CTNNA3: variants seen among roughly 807,000 people sequenced by gnomAD.
CTNNA3 encodes catenin alpha 3, also known as catenin alpha-3.
In CTNNA3, 76 loss-of-function variants were observed where a neutral mutation model predicts 95.7. The ratio of observed to expected loss-of-function variants is 0.79; its 90% confidence interval spans 0.66 to 0.96. The LOEUF (loss-of-function observed/expected upper bound fraction) is 0.96, where lower values mean the gene tolerates loss of function less well. Ranked by LOEUF, CTNNA3 falls within the 40% of genes least tolerant of loss-of-function variation. The pLI, the probability that CTNNA3 is intolerant of heterozygous loss-of-function variation, is 0.00. For synonymous variants in CTNNA3, 431 were observed against 374.4 expected, an observed-to-expected ratio of 1.15 and a Z score of -1.74; for missense variants, 1,191 against 1,089.8, an observed-to-expected ratio of 1.09 and a Z score of -1.31.
At chr10:67,614,021 C>G (rs375311082) in intron 2 of CTNNA3, among the ~76,000 whole-genome samples, 5 of 152,002 alleles carry the variant, frequency 3.3e-5, no homozygotes, top group Non-Finnish European at 7.4e-5. Flanking sequence ...TATTTTGAAG[C>G]GTGAAAGAAC....
chr10:67,509,404 A>G (rs1019097543), intron 5 of CTNNA3, among the ~76,000 whole-genome samples: 3 of 151,880 alleles, frequency 2.0e-5, no homozygotes, highest in African/African-American at 7.3e-5. Flanking sequence ...AAGTGTTCCC[A>G]CTGTTCAATT....
chr10:66,222,628 AAGAAAGAAAGAAAGAAAAGAG>A (rs2089017791), intron 13 of CTNNA3, among the ~76,000 whole-genome samples: 1 of 149,416 alleles, frequency 6.7e-6, no homozygotes, highest in East Asian at 2.0e-4. Flanking sequence ...AAGAAAAAGA[AAGAAAGAAAGAAAGAAAAGAG>A]AGGAAGAGAG....
chr10:67,121,909 G>A (rs902685773), intron 7 of CTNNA3, among the ~76,000 whole-genome samples: 8 of 127,918 alleles, frequency 6.3e-5, no homozygotes, highest in Non-Finnish European at 6.3e-5. Context: ...TTTTTTATGT[G>A]AAATCTCTAA....
At chr10:66,010,071 A>G (rs1589245321) in intron 15 of CTNNA3, among the ~76,000 whole-genome samples, 1 of 152,226 alleles carries the variant, frequency 6.6e-6, no homozygotes, top group South Asian at 2.1e-4. Context: ...TTGAAGGTTC[A>G]AAATAAAGGT....
chr10:66,489,540 C>T (rs1384373985), intron 11 of CTNNA3, among the ~76,000 whole-genome samples: 1 of 152,128 alleles, frequency 6.6e-6, no homozygotes. Context: ...TACTCCCCAA[C>T]GTTATGTACA....
chr10:66,349,451 G>A lies in CTNNA3; in HGVS notation c.1732+29701C>T, dbSNP rs143350264. Among the ~76,000 whole-genome samples, 284 of 152,148 alleles carry A rather than the reference G, an allele frequency of 1.9e-3. 1 individual carries two copies. Among genetic ancestry groups the A allele is most frequent in the African/African-American group, 6.3e-3 (260 of 41,532 alleles). On this transcript the variant is annotated intron_variant, in intron 12 of 17. Transcript: ENST00000433211. ...ACATGTGAGTATTGTTTTAAGCTGA[G>A]AACTTTGTTGAAATATTAATAGGCA...
chr10:67,234,623 C>T (rs542076346), intron 5 of CTNNA3, among the ~76,000 whole-genome samples: 78 of 151,860 alleles, frequency 5.1e-4, no homozygotes, highest in African/African-American at 1.7e-3. Context: ...TGCCCTCTCT[C>T]ACCACTCCTA....
chr10:67,743,683 A>G (rs2133643680), intron 1 of CTNNA3, among the ~76,000 whole-genome samples: 2 of 151,430 alleles, frequency 1.3e-5, no homozygotes, highest in Middle Eastern at 3.4e-3. Context: ...AATAAAGGGT[A>G]TTCAATTAGG....
At chr10:67,204,378 C>G (rs900829523) in intron 6 of CTNNA3, among the ~76,000 whole-genome samples, 6 of 145,780 alleles carry the variant, frequency 4.1e-5, no homozygotes, top group East Asian at 2.9e-4. Context: ...ACCTCCCCCC[C>G]TCTCTCTTCC....
At chr10:67,088,734 G>C (rs568552590) in intron 7 of CTNNA3, among the ~76,000 whole-genome samples, 1 of 151,892 alleles carries the variant, frequency 6.6e-6, no homozygotes, top group African/African-American at 2.4e-5. Flanking sequence ...ACCACTAAAA[G>C]AATTATTATT....
chr10:66,285,373 C>T (rs2091567033), intron 12 of CTNNA3, among the ~76,000 whole-genome samples: 1 of 151,762 alleles, frequency 6.6e-6, no homozygotes, highest in South Asian at 2.1e-4. Context: ...GACTTAGAAA[C>T]TCATCTTCTT....
chr10:67,004,510 C>G (rs574007264), intron 7 of CTNNA3, among the ~76,000 whole-genome samples: 1 of 152,028 alleles, frequency 6.6e-6, no homozygotes, highest in Non-Finnish European at 1.5e-5. Flanking sequence ...TCAAAAAATG[C>G]TGATCACAGA....
chr10:67,095,217 G>A (rs191045329), intron 7 of CTNNA3, among the ~76,000 whole-genome samples: 51 of 151,592 alleles, frequency 3.4e-4, no homozygotes, highest in East Asian at 2.1e-3. Context: ...ATCTTACTAT[G>A]TTATTTTATT....
chr10:66,888,327 C>T (rs962229571), intron 7 of CTNNA3, among the ~76,000 whole-genome samples: 20 of 152,116 alleles, frequency 1.3e-4, no homozygotes, highest in South Asian at 6.2e-4. Context: ...ACAGATTCTC[C>T]CCTGGAACCT....
intron 6 of CTNNA3, among the ~76,000 whole-genome samples, chr10:67,182,531 AT>A (rs1438916525): frequency 2.0e-5 from 3 of 152,042 alleles, no homozygotes; most frequent in African/African-American, 7.3e-5. Context: ...TTATACAAAA[AT>A]TAATTCAAGA....
chr10:66,209,980 G>A (rs1230855189), intron 13 of CTNNA3, among the ~76,000 whole-genome samples: 1 of 152,072 alleles, frequency 6.6e-6, no homozygotes, highest in Non-Finnish European at 1.5e-5. Context: ...TGGCTAAGAA[G>A]GCTTTACTCT....
chr10:65,967,540 G>A (rs1395211896), intron 16 of CTNNA3, among the ~76,000 whole-genome samples: 1 of 152,140 alleles, frequency 6.6e-6, no homozygotes, highest in Admixed American at 6.5e-5. Context: ...AGCATTCAAT[G>A]TACTTAGCTG....
At chr10:67,609,967 A>C (rs1487346502) in intron 2 of CTNNA3, among the ~76,000 whole-genome samples, 1 of 152,210 alleles carries the variant, frequency 6.6e-6, no homozygotes, top group Non-Finnish European at 1.5e-5. Context: ...GGTTTTCACA[A>C]ATTCCAAAAG....
At chr10:66,132,270 C>T (rs1315598615) in intron 13 of CTNNA3, among the ~76,000 whole-genome samples, 1 of 152,176 alleles carries the variant, frequency 6.6e-6, no homozygotes, top group Admixed American at 6.5e-5. Flanking sequence ...CAAAAGAAGA[C>T]ATACATGCGT....
Sources: allele counts gnomAD v4.1 joint callset (sites outside exome capture counted in the v4.1 genomes callset), GRCh38; gene constraint gnomAD v4.1.1; transcripts MANE v1.5; gene names NCBI Gene and HGNC (gene_info 2026-07-23, HGNC 2026-07-21).